MTM1: variants seen among roughly 807,000 people sequenced by gnomAD.
MTM1 encodes myotubularin.
A neutral mutation model predicts 52.1 loss-of-function variants in MTM1; 9 were observed. That is an observed-to-expected ratio of 0.17 (90% CI 0.10 to 0.30). The LOEUF is 0.30. Ranked by LOEUF, MTM1 falls within the 10% of genes least tolerant of loss-of-function variation. The probability of loss-of-function intolerance (pLI) is 1.00; values close to 1 mark genes in which losing one functional copy is unlikely to be tolerated. For missense variants in MTM1, 277 were observed against 470.7 expected (o/e 0.59, Z 3.81); for synonymous variants, 136 against 163.8 (o/e 0.83, Z 1.29).
chrX:150,629,854 C>T (rs1204266901), intron 6 of MTM1, among the ~76,000 whole-genome samples: 1 of 111,169 alleles, frequency 9.0e-6, no homozygotes, highest in African/African-American at 3.3e-5. Flanking sequence ...TGTCTCCACC[C>T]AGTGATAGTT....
At chrX:150,638,011 A>T (rs1469202060) in intron 6 of MTM1, among the ~76,000 whole-genome samples, 2 of 112,728 alleles carry the variant, frequency 1.8e-5, no homozygotes, top group Non-Finnish European at 1.9e-5. Flanking sequence ...AAGTACAAAG[A>T]TGAAAGCAGG....
intron 9 of MTM1, among the ~76,000 whole-genome samples, chrX:150,647,120 CTAAA>C (rs1464187068): frequency 9.3e-6 from 1 of 107,205 alleles, no homozygotes; most frequent in Non-Finnish European, 1.9e-5. Flanking sequence ...AAATCTAACT[CTAAA>C]TATCTTCTTG....
At chrX:150,578,449 A>G (rs782474232) in intron 1 of MTM1, among the ~76,000 whole-genome samples, 2 of 112,148 alleles carry the variant, frequency 1.8e-5, no homozygotes, top group Non-Finnish European at 3.8e-5. Flanking sequence ...TGGACACCTG[A>G]CCCACAGAAA....
chrX:150,582,970 A>C (rs1342107554), intron 1 of MTM1, among the ~76,000 whole-genome samples: 1 of 100,202 alleles, frequency 1.0e-5, no homozygotes, highest in Non-Finnish European at 2.0e-5. Flanking sequence ...CTATGTTTTC[A>C]TCTATTATCC....
upstream of MTM1, among the ~76,000 whole-genome samples, chrX:150,565,993 TACAC>T (rs782745793): frequency 0.011 from 983 of 88,401 alleles, 6 homozygotes; most frequent in Middle Eastern, 0.035. Context: ...TGAAGATTCC[TACAC>T]ACACACACAC....
chrX:150,660,529 A>G, intron 13 of MTM1, 45 bp downstream of exon 13: 1 of 770,994 alleles, frequency 1.3e-6, no homozygotes. Context: ...GCTTGCCAAA[A>G]TGTATGTAGT....
rs1557414502 is a variant in MTM1, at chrX:150,657,850, A to T, written c.1083A>T (p.Ala361=). The change falls in exon 11 of 15, where the codon GCA becomes GCT. Residue 361 remains alanine (A), a synonymous_variant. Coordinates refer to ENST00000370396, the MANE Select transcript of MTM1 (RefSeq NM_000252.3). Reference sequence around the variant, plus strand: ...TTTTGACAGGAGCCATTCAAGTAGCAGACAAAGTTTCTTCAGGGAAGAGTT... The same window carrying T: ...TTTTGACAGGAGCCATTCAAGTAGCTGACAAAGTTTCTTCAGGGAAGAGTT... ...KLVLTGAIQV[A]DKVSSGKSSV... 1 of 1,211,955 alleles carries T rather than the reference A, an allele frequency of 8.3e-7. No homozygotes were observed. The highest frequency in any genetic ancestry group is 1.8e-5 in the South Asian group (1 of 57,015).
chrX:150,583,779 TATAAA>T (rs2038707054), intron 1 of MTM1, among the ~76,000 whole-genome samples: 1 of 49,326 alleles, frequency 2.0e-5, no homozygotes, highest in Non-Finnish European at 3.4e-5. Flanking sequence ...ATATTTAATA[TATAAA>T]ATATATATAA....
intron 6 of MTM1, among the ~76,000 whole-genome samples, chrX:150,635,619 G>C (rs2039742198): frequency 9.0e-6 from 1 of 111,636 alleles, no homozygotes; most frequent in African/African-American, 3.3e-5. Flanking sequence ...AATGTGTTTT[G>C]TTATTGCTTT....
chrX:150,641,179 C>T lies in MTM1; in HGVS notation c.529-90C>T. 16 of 1,014,631 alleles carry T rather than the reference C, an allele frequency of 1.6e-5. 1 individual carries two copies. The South Asian group carries it at 3.1e-4, about 20-fold the overall frequency. The allele number at this position is 1,014,631 out of a possible 1,213,427, so 83.6% of individuals were successfully genotyped here. On this transcript the variant is annotated intron_variant, in intron 7 of 14. Transcript: ENST00000370396. ...CCCTGTGGTCAAAGAGGCATGTGCA[C>T]ATATTGCTAGAAGGAAGAAAAGAGG...
At chrX:150,648,946 GC>G (rs1204216956) in intron 9 of MTM1, among the ~76,000 whole-genome samples, 1 of 112,506 alleles carries the variant, frequency 8.9e-6, no homozygotes, top group Non-Finnish European at 1.9e-5. Flanking sequence ...TAGTTAACTA[GC>G]GTCTCTGAGT....
At chrX:150,639,955 A>T (rs1359126463) in intron 7 of MTM1, among the ~76,000 whole-genome samples, 1 of 112,200 alleles carries the variant, frequency 8.9e-6, no homozygotes, top group Admixed American at 9.4e-5. Context: ...AACGGTTTGC[A>T]TATTCATGAA....
intron 5 of MTM1, 149 bp downstream of exon 5, chrX:150,614,848 T>C: frequency 2.3e-6 from 1 of 438,760 alleles, no homozygotes; most frequent in Non-Finnish European, 4.0e-6. Flanking sequence ...GAACAAGCTT[T>C]TCAAAAGTGC....
intron 5 of MTM1, among the ~76,000 whole-genome samples, 192 bp from the exon 6 acceptor site, chrX:150,618,846 C>G (rs7884615): frequency 1.2e-3 from 137 of 110,623 alleles, no homozygotes; most frequent in African/African-American, 4.3e-3. Context: ...ATGGCTATGA[C>G]GGAAATATTT....
chrX:150,654,637 G>A (rs2040079886), intron 10 of MTM1, among the ~76,000 whole-genome samples: 1 of 111,493 alleles, frequency 9.0e-6, no homozygotes, highest in Admixed American at 9.5e-5. Flanking sequence ...GTAGATTCAA[G>A]GGGTAAATGT....
At chrX:150,651,710 G>A (rs2040024442) in intron 10 of MTM1, among the ~76,000 whole-genome samples, 1 of 111,043 alleles carries the variant, frequency 9.0e-6, no homozygotes, top group African/African-American at 3.3e-5. Flanking sequence ...TTGGCAGTCA[G>A]CTATTGGGCA....
At chrX:150,575,549 C>A (rs2038456943) in intron 1 of MTM1, among the ~76,000 whole-genome samples, 1 of 111,597 alleles carries the variant, frequency 9.0e-6, no homozygotes, top group African/African-American at 3.3e-5. Flanking sequence ...CAGGTGATGC[C>A]AACAGTGTTG....
intron 9 of MTM1, 47 bp downstream of exon 9, chrX:150,645,918 T>C (rs1557413965): frequency 6.3e-6 from 7 of 1,115,653 alleles, no homozygotes; most frequent in Non-Finnish European, 8.7e-6. Flanking sequence ...ACATATGGAG[T>C]GCAGTGTTTT....
chrX:150,650,992 C>T (rs960829862), intron 10 of MTM1, among the ~76,000 whole-genome samples: 1 of 111,129 alleles, frequency 9.0e-6, no homozygotes, highest in African/African-American at 3.3e-5. Flanking sequence ...AGAATGGATT[C>T]CCCCATCCTT....
Sources: allele counts gnomAD v4.1 joint callset (sites outside exome capture counted in the v4.1 genomes callset), GRCh38; gene constraint gnomAD v4.1.1; transcripts MANE v1.5; gene names NCBI Gene and HGNC (gene_info 2026-07-23, HGNC 2026-07-21).